Variants in BPTF observed in about 807,000 individuals in gnomAD.
The protein encoded by BPTF is nucleosome-remodeling factor subunit BPTF.
BPTF carries 18 observed loss-of-function variants against 292.5 expected under a neutral mutation model. The observed-to-expected ratio is 0.06, with a 90% CI of 0.04 to 0.09. The LOEUF (loss-of-function observed/expected upper bound fraction) is 0.09. Ranked by LOEUF, BPTF falls within the 10% of genes least tolerant of loss-of-function variation. The pLI, the probability that BPTF is intolerant of heterozygous loss-of-function variation, is 1.00. For missense variants in BPTF, 2,726 were observed against 3,498.7 expected (o/e 0.78, Z 5.57); for synonymous variants, 1,225 against 1,251.9 (o/e 0.98, Z 0.45).
intron 26 of BPTF, among the ~76,000 whole-genome samples, chr17:67,967,547 C>A (rs189859209): frequency 1.3e-5 from 2 of 150,420 alleles, no homozygotes; most frequent in Non-Finnish European, 3.0e-5. Flanking sequence ...TTGGAAATGG[C>A]GGGGTGGCTC....
chr17:67,952,913 T>C (rs563949997), intron 23 of BPTF, among the ~76,000 whole-genome samples: 1 of 152,340 alleles, frequency 6.6e-6, no homozygotes, highest in Admixed American at 6.5e-5. Context: ...ATAAAGCTTA[T>C]ACCTTCATTA....
At chr17:67,855,589 C>T (rs533072547) in intron 2 of BPTF, among the ~76,000 whole-genome samples, 1 of 152,212 alleles carries the variant, frequency 6.6e-6, no homozygotes, top group Non-Finnish European at 1.5e-5. Context: ...CTGAGGGTTT[C>T]GAGAAGCTCT....
intron 10 of BPTF, among the ~76,000 whole-genome samples, chr17:67,910,626 C>A (rs2062589406): frequency 1.3e-5 from 2 of 151,982 alleles, no homozygotes; most frequent in Non-Finnish European, 2.9e-5. Flanking sequence ...ATTGCGAAAC[C>A]CTGTCTCTAC....
At chr17:67,939,860 A>G (rs1168752176) in intron 18 of BPTF, among the ~76,000 whole-genome samples, 2 of 152,224 alleles carry the variant, frequency 1.3e-5, no homozygotes, top group African/African-American at 4.8e-5. Context: ...AGCCTGGGCG[A>G]CAGAGCGAGA....
intron 1 of BPTF, among the ~76,000 whole-genome samples, chr17:67,833,728 C>G (rs980460379): frequency 2.0e-5 from 3 of 152,012 alleles, no homozygotes; most frequent in Non-Finnish European, 4.4e-5. Flanking sequence ...GCCACCATGC[C>G]TGGCTAATTT....
intron 7 of BPTF, among the ~76,000 whole-genome samples, chr17:67,897,893 CTTCT>C (rs2146455141): frequency 6.6e-6 from 1 of 152,120 alleles, no homozygotes; most frequent in South Asian, 2.1e-4. Context: ...ATGGCCCTGT[CTTCT>C]TTATTAATAT....
intron 17 of BPTF, among the ~76,000 whole-genome samples, chr17:67,929,964 A>C (rs1598734794): frequency 7.9e-6 from 1 of 126,414 alleles, no homozygotes; most frequent in African/African-American, 5.7e-5. Context: ...AAAAATACAG[A>C]AATTAGCCAG....
intron 20 of BPTF, chr17:67,944,613 A>G: frequency 1.9e-6 from 1 of 536,440 alleles, no homozygotes; most frequent in Non-Finnish European, 3.4e-6. Context: ...AGGGGGCAAA[A>G]ATAATGGTTA....
chr17:67,888,238 A>C (rs981512601), intron 4 of BPTF, among the ~76,000 whole-genome samples: 2 of 152,166 alleles, frequency 1.3e-5, no homozygotes, highest in African/African-American at 4.8e-5. Flanking sequence ...TCCCACAGTT[A>C]CATCCTGTAA....
chr17:67,968,221 T>C (rs2068346551), intron 26 of BPTF, among the ~76,000 whole-genome samples: 1 of 151,466 alleles, frequency 6.6e-6, no homozygotes, highest in Non-Finnish European at 1.5e-5. Flanking sequence ...AAGCATTTTT[T>C]TTAATGAGAA....
At chr17:67,887,573 A>G (rs996513133) in intron 4 of BPTF, among the ~76,000 whole-genome samples, 1 of 152,312 alleles carries the variant, frequency 6.6e-6, no homozygotes, top group Middle Eastern at 3.4e-3. Context: ...ACCTATCTGA[A>G]GTAATAATTT....
At chr17:67,878,970 T>G (rs1206907117) in intron 4 of BPTF, among the ~76,000 whole-genome samples, 1 of 152,102 alleles carries the variant, frequency 6.6e-6, no homozygotes, top group Non-Finnish European at 1.5e-5. Context: ...TGTTTAGGAT[T>G]TTTGCATTTA....
At chr17:67,881,161 A>G (rs1364861033) in intron 4 of BPTF, among the ~76,000 whole-genome samples, 2 of 148,726 alleles carry the variant, frequency 1.3e-5, no homozygotes, top group East Asian at 1.9e-4. Context: ...TACCCATTAT[A>G]TTGAGTATTA....
chr17:67,840,576 C>T (rs1446535178), intron 1 of BPTF, among the ~76,000 whole-genome samples: 1 of 150,120 alleles, frequency 6.7e-6, no homozygotes, highest in Admixed American at 6.7e-5. Context: ...TTTTTTTAGA[C>T]AGTTTCCTTC....
chr17:67,937,399 A>T (rs1229992772), intron 18 of BPTF, among the ~76,000 whole-genome samples: 1 of 151,484 alleles, frequency 6.6e-6, no homozygotes, highest in Non-Finnish European at 1.5e-5. Flanking sequence ...AAAAAGAAAG[A>T]AAAGTACTTA....
At position 67,959,895 on chromosome 17, in the gene BPTF, C is replaced by T. The variant is rs376467866; in HGVS notation, c.8261+20C>T. 7 of 1,475,350 alleles carry T rather than the reference C, an allele frequency of 4.7e-6. No homozygotes were observed. Among genetic ancestry groups the T allele is most frequent in the Non-Finnish European group, 6.3e-6 (7 of 1,105,724 alleles). 91.4% of individuals were successfully genotyped at this position (1,475,350 alleles called of 1,614,324 possible). A position where few individuals can be genotyped will look rare whatever the true frequency, so the allele number is the denominator to read the frequency against. On this transcript the variant is annotated intron_variant, in intron 24 of 27. Transcript: ENST00000306378. ...ATCTAAGTGAGTAGATCTTTTTGAG[C>T]TCTAGTTTTTTGTCTTGAAAGTTTA...
At position 67,826,090 on chromosome 17, in the gene BPTF, C is replaced by T; in HGVS notation, c.366C>T (p.Asn122=). The part of the protein sequence containing the change: ...ARTTAARRAV[N]KVVYDDHESE... ...CCACCGCGGCCCGGAGGGCCGTCAA[C>T]AAAGTGGTGTACGATGACCACGAGA... The change falls in exon 1 of 28, where the codon AAC becomes AAT. Residue 122 remains asparagine, a synonymous_variant. Coordinates refer to ENST00000306378, the MANE Select transcript of BPTF (RefSeq NM_182641.4). 2 of 1,355,178 alleles carry T rather than the reference C, an allele frequency of 1.5e-6. No homozygotes were observed. The highest frequency in any genetic ancestry group is 2.0e-6 in the Non-Finnish European group (2 of 978,094). The allele number at this position is 1,355,178 out of a possible 1,614,324, so 83.9% of individuals were successfully genotyped here.
chr17:67,850,227 AATCCCTGTCG>A (rs1252205333), intron 1 of BPTF, among the ~76,000 whole-genome samples: 4 of 152,206 alleles, frequency 2.6e-5, no homozygotes, highest in Non-Finnish European at 4.4e-5. Context: ...AAACTTAAAA[AATCCCTGTCG>A]TTAAGGAGAT....
At position 67,982,618 on chromosome 17, in the gene BPTF, C is replaced by G. The variant is rs2070552125; in HGVS notation, c.*330C>G. Reference sequence around the variant, plus strand: ...GGTCAAGTGTAACTCCATGGAAATGCCACGTCTGCTCTTCAGTGAAGAAGC... The same window carrying G: ...GGTCAAGTGTAACTCCATGGAAATGGCACGTCTGCTCTTCAGTGAAGAAGC... On this transcript the variant is annotated 3_prime_UTR_variant, in exon 28 of 28. Coordinates refer to ENST00000306378, the MANE Select transcript of BPTF (RefSeq NM_182641.4). 4.9e-6 allele frequency: 1 copy of G among 205,146 alleles called. No homozygotes were observed. The allele number at this position is 205,146 out of a possible 1,614,324, so 12.7% of individuals were successfully genotyped here.
Sources: allele counts gnomAD v4.1 joint callset (sites outside exome capture counted in the v4.1 genomes callset), GRCh38; gene constraint gnomAD v4.1.1; transcripts MANE v1.5; gene names NCBI Gene and HGNC (gene_info 2026-07-23, HGNC 2026-07-21).